NFE2L1: variants seen among roughly 807,000 people sequenced by gnomAD.
NFE2L1 encodes the protein NFE2 like bZIP transcription factor 1, also known as endoplasmic reticulum membrane sensor NFE2L1.
NFE2L1 carries 18 observed loss-of-function variants against 61.6 expected under a neutral mutation model. That is an observed-to-expected ratio of 0.29 (90% CI 0.20 to 0.43). The LOEUF (loss-of-function observed/expected upper bound fraction) is 0.43. NFE2L1 is among the 20% of genes least tolerant of loss of function. NFE2L1 has a pLI of 1.00. For missense variants in NFE2L1, 827 were observed against 973.5 expected, an observed-to-expected ratio of 0.85 and a Z score of 2.00; for synonymous variants, 419 against 402.7, an observed-to-expected ratio of 1.04 and a Z score of -0.48.
chr17:48,056,469 G>A lies in NFE2L1; in HGVS notation c.594G>A (p.Gln198=). 1 of 1,614,230 alleles carries A rather than the reference G, an allele frequency of 6.2e-7. No individual in the cohort carries two copies. Among genetic ancestry groups the A allele is most frequent in the Non-Finnish European group, 8.5e-7 (1 of 1,180,036 alleles). ...AGGTTTTTGACTATAGTCACCGCCA[G>A]AAGGAGCAGGATGTGGAGAAGGAGC... ...GREVFDYSHR[Q]KEQDVEKELR... is the part of the protein sequence containing the mutation. The change falls in exon 3 of 6, where the codon CAG becomes CAA. Residue 198 remains glutamine, a synonymous_variant. Coordinates refer to ENST00000362042, the MANE Select transcript of NFE2L1 (RefSeq NM_003204.3).
Position 48,056,498 on chromosome 17 carries a change from G to A in NFE2L1, c.623G>A (p.Arg208Gln), listed in dbSNP as rs770555646. The A allele has an allele frequency of 1.2e-5, 20 of 1,614,072 alleles. No homozygotes were observed. Among genetic ancestry groups the A allele is most frequent in the East Asian group, 6.7e-5 (3 of 44,902 alleles). ...QKEQDVEKEL[R>Q]DGGEQDTWAG... ...GAGCAGGATGTGGAGAAGGAGCTGC[G>A]AGATGGAGGCGAGCAGGACACCTGG... is the stretch of plus-strand genomic sequence containing the variant. The change falls in exon 3 of 6, where the codon CGA becomes CAA. Residue 208 changes from arginine (R) to glutamine (Q), a missense_variant. By Grantham distance (43) the Arg-to-Gln change is conservative (BLOSUM62 1). Transcript: ENST00000362042.
In NFE2L1 at chr17:48,059,947, C is replaced by A; in HGVS notation, c.*306C>A. ...AGGAGCTATGTGGAGCAAAGGCCGA[C>A]AGAGGGGAAGGAATGGACCTGTGAG... is the stretch of plus-strand genomic sequence containing the variant. On this transcript the variant is annotated 3_prime_UTR_variant, in exon 6 of 6. Transcript: ENST00000362042. This position sits in a 1 kb window ranked among gnomAD's most constrained non-coding sequence, Gnocchi z 6.1. 3.3e-6 allele frequency: 1 copy of A among 304,194 alleles called. No individual in the cohort carries two copies. The highest frequency in any genetic ancestry group is 5.9e-6 in the Non-Finnish European group (1 of 170,618). 18.8% of individuals were successfully genotyped at this position (304,194 alleles called of 1,614,324 possible). A position where few individuals can be genotyped will look rare whatever the true frequency, so the allele number is the denominator to read the frequency against.
chr17:48,056,513 A>G lies in NFE2L1; in HGVS notation c.638A>G (p.Gln213Arg). The change falls in exon 3 of 6, where the codon CAG becomes CGG. Residue 213 changes from glutamine to arginine, a missense_variant. Coordinates refer to ENST00000362042, the MANE Select transcript of NFE2L1 (RefSeq NM_003204.3). Reference sequence around the variant, plus strand: ...AAGGAGCTGCGAGATGGAGGCGAGCAGGACACCTGGGCAGGCGAGGGCGCG... The same window carrying G: ...AAGGAGCTGCGAGATGGAGGCGAGCGGGACACCTGGGCAGGCGAGGGCGCG... ...VEKELRDGGEQDTWAGEGAEA... is the reference protein window; with the variant it reads ...VEKELRDGGERDTWAGEGAEA... 1 of 1,614,216 alleles carries G rather than the reference A, an allele frequency of 6.2e-7. No homozygotes were observed. The highest frequency in any genetic ancestry group is 8.5e-7 in the Non-Finnish European group (1 of 1,180,026).
chr17:48,054,957 C>T, intron 2 of NFE2L1: 1 of 1,458,416 alleles, frequency 6.9e-7, no homozygotes. Flanking sequence ...AAGCCAAGAG[C>T]TCCTTGCAGC....
intron 1 of NFE2L1, chr17:48,048,921 T>C (rs1269973590): frequency 6.6e-6 from 1 of 152,644 alleles, no homozygotes; most frequent in Non-Finnish European, 1.5e-5. Context: ...TACTTGATTT[T>C]TAAGGGACTT....
In NFE2L1 at chr17:48,058,725, A is replaced by G; in HGVS notation, c.1403A>G (p.Gln468Arg). 5 of 1,614,216 alleles carry G rather than the reference A, an allele frequency of 3.1e-6. No individual in the cohort carries two copies. Among genetic ancestry groups the G allele is most frequent in the Non-Finnish European group, 4.2e-6 (5 of 1,180,036 alleles). The stretch of plus-strand genomic sequence containing the variant: ...GGCTTTAACCCTGTGCAGGCCTCCC[A>G]GCTGGAGGAGGAATTTGACTCTGAC... Reference protein sequence around the residue: ...EEGFNPVQASQLEEEFDSDSG... With the variant: ...EEGFNPVQASRLEEEFDSDSG... Residue 468 changes from glutamine to arginine, a missense_variant, in exon 6 of 6, where the codon CAG becomes CGG. Gln to Arg is a conservative substitution (Grantham distance 43, BLOSUM62 1). Coordinates refer to ENST00000362042, the MANE Select transcript of NFE2L1 (RefSeq NM_003204.3).
intron 2 of NFE2L1, chr17:48,055,071 G>C (rs2037361560): frequency 6.7e-7 from 1 of 1,494,196 alleles, no homozygotes; most frequent in African/African-American, 1.4e-5. Flanking sequence ...GCCAAAGGCA[G>C]CCGGCCCCTT....
Position 48,059,132 on chromosome 17 carries a change from G to C in NFE2L1, c.1810G>C (p.Ala604Pro), listed in dbSNP as rs367840328. ...ALKKGSKEKQADFLDKQMSRD... is the reference protein window; with the variant it reads ...ALKKGSKEKQPDFLDKQMSRD... ...CAAGAAAGGCAGCAAGGAGAAGCAG[G>C]CTGACTTCCTGGACAAGCAGATGAG... The change falls in exon 6 of 6, where the codon GCT (alanine) becomes CCT (proline). Residue 604 changes from alanine (A) to proline (P), a missense_variant. Physicochemically the swap from Ala to Pro is conservative, Grantham distance 27. Coordinates refer to ENST00000362042, the MANE Select transcript of NFE2L1 (RefSeq NM_003204.3). This position sits in a 1 kb window ranked among gnomAD's most constrained non-coding sequence, Gnocchi z 6.1. 1.4e-5 allele frequency: 23 copies of C among 1,613,920 alleles called. No individual in the cohort carries two copies. Among genetic ancestry groups the C allele is most frequent in the South Asian group, 4.4e-5 (4 of 91,086 alleles).
In NFE2L1 at chr17:48,057,092, G is replaced by A. The variant is rs956551823; in HGVS notation, c.784G>A (p.Ala262Thr). 2 of 1,613,428 alleles carry A rather than the reference G, an allele frequency of 1.2e-6. No homozygotes were observed. The highest frequency in any genetic ancestry group is 1.7e-6 in the Non-Finnish European group (2 of 1,179,860). ...SLEECLRLLE[A>T]TCPFGENAEF... The stretch of plus-strand genomic sequence containing the variant: ...GGAAGAGTGCCTTAGGCTGCTGGAA[G>A]CCACCTGCCCCTTTGGGGAGAATGC... Residue 262 changes from alanine (A) to threonine (T), a missense_variant, in exon 4 of 6, where the codon GCC becomes ACC. Physicochemically the swap from Ala to Thr is moderately conservative, Grantham distance 58. Coordinates refer to ENST00000362042, the MANE Select transcript of NFE2L1 (RefSeq NM_003204.3).
chr17:48,056,737 G>C, intron 3 of NFE2L1, 139 bp downstream of exon 3: 1 of 1,106,916 alleles, frequency 9.0e-7, no homozygotes, highest in Non-Finnish European at 1.3e-6. Flanking sequence ...TTTGGGTTGG[G>C]GTCTGTAAGT....
At chr17:48,053,062 T>C (rs1274399381) in intron 2 of NFE2L1, among the ~76,000 whole-genome samples, 1 of 152,208 alleles carries the variant, frequency 6.6e-6, no homozygotes. Context: ...GCTCTAATCT[T>C]GGCACAGTGT....
intron 1 of NFE2L1, among the ~76,000 whole-genome samples, chr17:48,049,957 G>A (rs2037205664): frequency 6.6e-6 from 1 of 152,224 alleles, no homozygotes. Flanking sequence ...TAATGCGCCT[G>A]TAGTGGGGGA....
intron 5 of NFE2L1, 43 bp from the exon 6 acceptor site, chr17:48,058,252 G>A (rs2144390395): frequency 2.0e-6 from 3 of 1,522,032 alleles, no homozygotes; most frequent in Non-Finnish European, 2.6e-6. Flanking sequence ...CCAGGGGAGG[G>A]AGTCAGTTCC....
chr17:48,050,996 TG>T lies in NFE2L1; in HGVS notation c.-119del. 1 of 1,186,064 alleles carries T rather than the reference TG, an allele frequency of 8.4e-7. No individual in the cohort carries two copies. Among genetic ancestry groups the T allele is most frequent in the Non-Finnish European group, 1.2e-6 (1 of 830,186 alleles). The allele number at this position is 1,186,064 out of a possible 1,614,324, so 73.5% of individuals were successfully genotyped here. ...GCTCATCCCTTGTGTTCTGCCAGGG[TG>T]GGGTACGGGGTTTGACACTGAGGAG... On this transcript the variant is annotated 5_prime_UTR_variant, in exon 2 of 6. It introduces an in-frame stop codon into an upstream open reading frame of the 5' UTR. Coordinates refer to ENST00000362042, the MANE Select transcript of NFE2L1 (RefSeq NM_003204.3).
intron 2 of NFE2L1, among the ~76,000 whole-genome samples, chr17:48,052,061 G>A (rs2037266402): frequency 6.6e-6 from 1 of 152,100 alleles, no homozygotes; most frequent in Admixed American, 6.5e-5. Context: ...CTCCTTTGTG[G>A]CGAGGCCTGT....
Position 48,058,878 on chromosome 17 carries a change from C to G in NFE2L1, c.1556C>G (p.Ser519Cys). 1.2e-6 allele frequency: 2 copies of G among 1,613,798 alleles called. No individual in the cohort carries two copies. Among genetic ancestry groups the G allele is most frequent in the Non-Finnish European group, 1.7e-6 (2 of 1,180,020 alleles). The change falls in exon 6 of 6, where the codon TCT becomes TGT. Residue 519 changes from serine to cysteine, a missense_variant. This residue lies in a region of NFE2L1 where 667 missense variants were observed against 748.4 expected (regional missense o/e 0.89). Coordinates refer to ENST00000362042, the MANE Select transcript of NFE2L1 (RefSeq NM_003204.3). Reference sequence around the variant, plus strand: ...TCTTCCTCTGCCTCTTCCTCCTTTTCTGAGGAAGGTGCGGTTGGCTACAGC... The same window carrying G: ...TCTTCCTCTGCCTCTTCCTCCTTTTGTGAGGAAGGTGCGGTTGGCTACAGC... ...SASSSASSSF[S>C]EEGAVGYSSD...
Position 48,059,210 on chromosome 17 carries a change from A to G in NFE2L1, c.1888A>G (p.Ile630Val). 6.2e-7 allele frequency: 1 copy of G among 1,614,110 alleles called. No individual in the cohort carries two copies. Among genetic ancestry groups the G allele is most frequent in the East Asian group, 2.2e-5 (1 of 44,868 alleles). ...GAAGATCCCTTTCACCAATGACAAAATCATCAACCTGCCTGTGGAGGAGTT... is the reference window on the plus strand; with the variant it reads ...GAAGATCCCTTTCACCAATGACAAAGTCATCAACCTGCCTGTGGAGGAGTT... ...AMKIPFTNDK[I>V]INLPVEEFNE... The change falls in exon 6 of 6, where the codon ATC (isoleucine) becomes GTC (valine). Residue 630 changes from isoleucine (I) to valine (V), a missense_variant. Coordinates refer to ENST00000362042, the MANE Select transcript of NFE2L1 (RefSeq NM_003204.3). This position sits in a 1 kb window ranked among gnomAD's most constrained non-coding sequence, Gnocchi z 6.1.
In NFE2L1 at chr17:48,057,418, CTT is replaced by C; in HGVS notation, c.889_890del (p.Leu297ValfsTer12). 6.2e-7 allele frequency: 1 copy of C among 1,614,206 alleles called. No individual in the cohort carries two copies. The highest frequency in any genetic ancestry group is 8.5e-7 in the Non-Finnish European group (1 of 1,180,030). On this transcript the variant is annotated frameshift_variant, in exon 5 of 6. Transcript: ENST00000362042. LOFTEE classifies it high-confidence loss of function. ...SEPPALQNNL[L>X]SPLLTGTESP... ...AGCCCCCTGCTCTTCAAAACAACCT[CTT>C]GTCTCCTCTTCTGACCGGGACAGAG...
chr17:48,056,292 C>A, intron 2 of NFE2L1, 94 bp from the exon 3 acceptor site: 1 of 1,452,366 alleles, frequency 6.9e-7, no homozygotes, highest in Non-Finnish European at 9.6e-7. Flanking sequence ...CCACCCAGGA[C>A]TAACTGGGGT....
Sources: gnomAD v4.1 joint callset for allele counts (sites outside exome capture counted in the v4.1 genomes callset) on GRCh38, gnomAD v4.1.1 for gene constraint, gnomAD v4.1.1 regional missense constraint, Gnocchi (gnomAD v3.1) non-coding constraint, MANE v1.5 for transcripts, NCBI Gene and HGNC (gene_info 2026-07-23, HGNC 2026-07-21) for gene names.